Variants in CLTC observed in about 807,000 individuals in gnomAD.
The protein encoded by CLTC is clathrin heavy chain 1.
Under a neutral mutation model 195.8 loss-of-function variants are expected in CLTC, and 16 were observed. The observed-to-expected ratio is 0.08, with a 90% CI of 0.06 to 0.12. The LOEUF (loss-of-function observed/expected upper bound fraction) is 0.12, where lower values mean the gene tolerates loss of function less well. CLTC is among the 10% of genes least tolerant of loss of function. The pLI, the probability that CLTC is intolerant of heterozygous loss-of-function variation, is 1.00. For missense variants in CLTC, 796 were observed against 2,027.0 expected (o/e 0.39, Z 11.66); for synonymous variants, 667 against 689.4 (o/e 0.97, Z 0.51).
intron 1 of CLTC, among the ~76,000 whole-genome samples, chr17:59,643,023 A>G (rs1433605934): frequency 6.6e-6 from 1 of 152,150 alleles, no homozygotes; most frequent in Admixed American, 6.5e-5. Flanking sequence ...GGTTTAGTCC[A>G]TAAGATAATA....
intron 2 of CLTC, 58 bp from the exon 3 acceptor site, chr17:59,647,340 G>A: frequency 7.4e-7 from 1 of 1,343,524 alleles, no homozygotes; most frequent in Non-Finnish European, 1.0e-6. Flanking sequence ...AGTCTAGGTA[G>A]GTATTCATTC....
intron 6 of CLTC, among the ~76,000 whole-genome samples, chr17:59,658,083 G>A (rs1019279187): frequency 4.0e-5 from 6 of 151,818 alleles, no homozygotes; most frequent in East Asian, 1.9e-4. Flanking sequence ...GGTGCCTGTC[G>A]TCCTAGCTAC....
intron 15 of CLTC, 114 bp downstream of exon 15, chr17:59,673,886 C>A: frequency 3.2e-6 from 2 of 620,848 alleles, no homozygotes; most frequent in Non-Finnish European, 5.5e-6. Flanking sequence ...CAGCTTTTAA[C>A]GTGGGATTTT....
intron 1 of CLTC, among the ~76,000 whole-genome samples, chr17:59,639,526 G>A (rs964238435): frequency 6.6e-6 from 1 of 152,190 alleles, no homozygotes; most frequent in Admixed American, 6.5e-5. Flanking sequence ...TTTGCAGATT[G>A]AGAGGATAAT....
chr17:59,641,067 C>T lies in CLTC; in HGVS notation c.43-3209C>T, dbSNP rs982575340. On this transcript the variant is annotated intron_variant, in intron 1 of 31. Transcript: ENST00000269122. ...TGGGGAGGTAGAGGTTGCAGTAAGCCGAGATCATGCCACTGCATTCCAGCC... is the reference window on the plus strand; with the variant it reads ...TGGGGAGGTAGAGGTTGCAGTAAGCTGAGATCATGCCACTGCATTCCAGCC... Among the ~76,000 whole-genome samples the T allele has an allele frequency of 1.1e-4, 17 of 149,224 alleles. No individual in the cohort carries two copies. In the South Asian group the frequency reaches 1.7e-3, roughly 15 times the overall value.
intron 14 of CLTC, 109 bp downstream of exon 14, chr17:59,669,049 C>A: frequency 2.1e-6 from 2 of 953,864 alleles, no homozygotes; most frequent in Non-Finnish European, 3.0e-6. Flanking sequence ...AAGTTGTTAG[C>A]ATTCTTAAGT....
At chr17:59,679,617 ATATAAC>A (rs1286460488) in intron 18 of CLTC, 98 bp downstream of exon 18, 2 of 1,109,384 alleles carry the variant, frequency 1.8e-6, no homozygotes, top group Admixed American at 5.9e-5. Flanking sequence ...AATGGATCAT[ATATAAC>A]TATGAGAGAA....
chr17:59,693,087 C>A (rs541033559), intron 31 of CLTC, among the ~76,000 whole-genome samples: 1 of 152,232 alleles, frequency 6.6e-6, no homozygotes, highest in East Asian at 1.9e-4. Flanking sequence ...GTCATTTAGA[C>A]CAAGCATGGT....
Position 59,682,754 on chromosome 17 carries a change from T to C in CLTC, c.3726T>C (p.Asp1242=). The change falls in exon 23 of 32, where the codon GAT becomes GAC. Residue 1242 remains aspartate (D), a synonymous_variant. Transcript: ENST00000269122. The surrounding 1 kb of genome is among the most constrained non-coding windows in gnomAD (Gnocchi z 6.8). ...VHLGEYQAAV[D]GARKANSTRT... ...TGGGTGAATATCAGGCAGCTGTTGA[T>C]GGGGCTAGGAAAGCTAACAGTACTC... The C allele has an allele frequency of 6.2e-7, 1 of 1,614,122 alleles. No individual in the cohort carries two copies.
rs189460913 is a variant in CLTC, at chr17:59,640,846, C to T, written c.43-3430C>T. ...TTATTAAGAATTTGACACGGCTGGACGCCGTGGCTCATGCCTGTATTCCCA... is the reference window on the plus strand; with the variant it reads ...TTATTAAGAATTTGACACGGCTGGATGCCGTGGCTCATGCCTGTATTCCCA... On this transcript the variant is annotated intron_variant, in intron 1 of 31. Transcript: ENST00000269122. 6.6e-5 allele frequency among the ~76,000 whole-genome samples: 10 copies of T among 152,002 alleles called. No homozygotes were observed. The East Asian group carries it at 1.6e-3, about 24-fold the overall frequency.
At chr17:59,630,267 G>C (rs2031673632) in intron 1 of CLTC, among the ~76,000 whole-genome samples, 1 of 152,188 alleles carries the variant, frequency 6.6e-6, no homozygotes, top group South Asian at 2.1e-4. Flanking sequence ...CTCCCAAAGT[G>C]CTGGGATTAC....
chr17:59,630,502 C>T (rs910768445), intron 1 of CLTC, among the ~76,000 whole-genome samples: 4 of 152,180 alleles, frequency 2.6e-5, no homozygotes, highest in African/African-American at 9.6e-5. Flanking sequence ...GTGCAGCCAA[C>T]ACCTGTATCT....
chr17:59,648,607 G>A lies in CLTC; in HGVS notation c.681+206G>A. On this transcript the variant is annotated intron_variant, in intron 4 of 31. Coordinates refer to ENST00000269122, the MANE Select transcript of CLTC (RefSeq NM_004859.4). The surrounding 1 kb of genome is among the most constrained non-coding windows in gnomAD (Gnocchi z 4.5). ...TCTTTCACAACTCGTTCTGTTGGCTGTTTATATTCTTTGATTGCTAAAGTG... is the reference window on the plus strand; with the variant it reads ...TCTTTCACAACTCGTTCTGTTGGCTATTTATATTCTTTGATTGCTAAAGTG... 3.8e-6 allele frequency: 2 copies of A among 522,402 alleles called. No homozygotes were observed. Among genetic ancestry groups the A allele is most frequent in the South Asian group, 5.5e-5 (2 of 36,114 alleles). 32.4% of individuals were successfully genotyped at this position (522,402 alleles called of 1,614,324 possible). A position where few individuals can be genotyped will look rare whatever the true frequency, so the allele number is the denominator to read the frequency against.
intron 10 of CLTC, among the ~76,000 whole-genome samples, chr17:59,665,118 G>T (rs538288737): frequency 4.6e-5 from 7 of 152,016 alleles, no homozygotes; most frequent in African/African-American, 1.7e-4. Flanking sequence ...CCAGCTACTC[G>T]GGTGGCTGAA....
intron 6 of CLTC, among the ~76,000 whole-genome samples, chr17:59,656,587 C>T (rs981253661): frequency 2.6e-5 from 4 of 151,870 alleles, no homozygotes; most frequent in East Asian, 1.9e-4. Flanking sequence ...AAATATTATC[C>T]GTTCTAAATT....
Position 59,674,814 on chromosome 17 carries a change from G to A in CLTC, c.2532G>A (p.Glu844=). 1 of 1,613,236 alleles carries A rather than the reference G, an allele frequency of 6.2e-7. No homozygotes were observed. The highest frequency in any genetic ancestry group is 1.7e-4 in the Middle Eastern group (1 of 6,050). The change falls in exon 16 of 32, where the codon GAG becomes GAA. Residue 844 remains glutamate, a synonymous_variant. Transcript: ENST00000269122. Reference sequence around the variant, plus strand: ...TAAGAGGTCAATTCTCTACTGATGAGCTTGTTGCTGAGGTTGAAAAAAGAA... The same window carrying A: ...TAAGAGGTCAATTCTCTACTGATGAACTTGTTGCTGAGGTTGAAAAAAGAA... The part of the protein sequence containing the change: ...LVVRGQFSTD[E]LVAEVEKRNR...
At chr17:59,650,605 A>G (rs908053849) in intron 4 of CLTC, among the ~76,000 whole-genome samples, 30 of 149,592 alleles carry the variant, frequency 2.0e-4, no homozygotes, top group African/African-American at 7.4e-4. Flanking sequence ...CTCCTGCCTC[A>G]GCCTCCCGAG....
rs748545396 is a variant in CLTC at position 59,644,539 on chromosome 17, G to GT, written c.250+66dup. ...TCTTCCTATGTTTTTGTTTTTTTTT[G>GT]TTTTTTTTTTGTTTGTTTGTTTGTT... On this transcript the variant is annotated intron_variant, in intron 2 of 31. Transcript: ENST00000269122. The GT allele has an allele frequency of 2.0e-3, 2,284 of 1,130,636 alleles. 1 individual carries two copies. Among genetic ancestry groups the GT allele is most frequent in the African/African-American group, 7.6e-3 (377 of 49,866 alleles). 70.0% of individuals were successfully genotyped at this position (1,130,636 alleles called of 1,614,324 possible). A position where few individuals can be genotyped will look rare whatever the true frequency, so the allele number is the denominator to read the frequency against.
At chr17:59,654,692 G>T (rs2032421000) in intron 5 of CLTC, among the ~76,000 whole-genome samples, 1 of 152,120 alleles carries the variant, frequency 6.6e-6, no homozygotes, top group Non-Finnish European at 1.5e-5. Context: ...TTTTGCCCAG[G>T]GTGGTCTCGA....
Sources: gnomAD v4.1 joint callset for allele counts (sites outside exome capture counted in the v4.1 genomes callset) on GRCh38, gnomAD v4.1.1 for gene constraint, Gnocchi (gnomAD v3.1) non-coding constraint, MANE v1.5 for transcripts, NCBI Gene and HGNC (gene_info 2026-07-23, HGNC 2026-07-21) for gene names.